The following GALNT1 variants were observed in gnomAD, a reference collection of about 807,000 sequenced individuals.
The protein encoded by GALNT1 is GalNAc transferase 1.
A neutral mutation model predicts 65.7 loss-of-function variants in GALNT1; 17 were observed. The observed-to-expected ratio is 0.26, with a 90% CI of 0.18 to 0.39. The LOEUF (loss-of-function observed/expected upper bound fraction) is 0.39. GALNT1 is among the 10% of genes least tolerant of loss of function. The probability of loss-of-function intolerance (pLI) is 1.00; values close to 1 mark genes in which losing one functional copy is unlikely to be tolerated. For missense variants in GALNT1, 460 were observed against 672.8 expected, an observed-to-expected ratio of 0.68 and a Z score of 3.50; for synonymous variants, 210 against 219.7, an observed-to-expected ratio of 0.96 and a Z score of 0.39.
chr18:35,705,553 C>T (rs1336065635), intron 11 of GALNT1, among the ~76,000 whole-genome samples: 1 of 152,160 alleles, frequency 6.6e-6, no homozygotes, highest in Admixed American at 6.5e-5. Flanking sequence ...ATGGTATGTG[C>T]CACTGCCATT....
chr18:35,626,913 A>G lies in GALNT1; in HGVS notation c.-103-27647A>G, dbSNP rs2046925534. Among the ~76,000 whole-genome samples, 4 of 151,884 alleles carry G rather than the reference A, an allele frequency of 2.6e-5. No homozygotes were observed. In the South Asian group the frequency reaches 8.3e-4, roughly 32 times the overall value. On this transcript the variant is annotated intron_variant, in intron 1 of 11. Coordinates refer to ENST00000269195, the MANE Select transcript of GALNT1 (RefSeq NM_020474.4). ...ACTGTTTCTGAATGCTTCCCAGCAG[A>G]CCTCCCTTTCAGTACCATTAGTCAG...
In GALNT1 at chr18:35,689,293, A is replaced by G; in HGVS notation, c.978+3A>G. 6.5e-7 allele frequency: 1 copy of G among 1,527,416 alleles called. No homozygotes were observed. 94.6% of individuals were successfully genotyped at this position (1,527,416 alleles called of 1,614,324 possible). On this transcript the variant is annotated splice_donor_region_variant and intron_variant, in intron 7 of 11. Coordinates refer to ENST00000269195, the MANE Select transcript of GALNT1 (RefSeq NM_020474.4). ...AAAACCTAGAAATTTCCTTTAGGGTAAGTTCCCTTAAAAAAATTTAATCTT... is the reference window on the plus strand; with the variant it reads ...AAAACCTAGAAATTTCCTTTAGGGTGAGTTCCCTTAAAAAAATTTAATCTT...
At chr18:35,641,524 CACAAA>C (rs1487298066) in intron 1 of GALNT1, among the ~76,000 whole-genome samples, 3 of 152,082 alleles carry the variant, frequency 2.0e-5, no homozygotes, top group African/African-American at 7.2e-5. Flanking sequence ...ACAAGAAAAA[CACAAA>C]ACAACACATC....
chr18:35,616,109 T>C (rs1296756063), intron 1 of GALNT1, among the ~76,000 whole-genome samples: 2 of 152,170 alleles, frequency 1.3e-5, no homozygotes, highest in African/African-American at 4.8e-5. Context: ...TCAATATGGA[T>C]GAGTCTTAAA....
intron 11 of GALNT1, among the ~76,000 whole-genome samples, chr18:35,705,020 C>G (rs892599731): frequency 6.6e-6 from 1 of 152,162 alleles, no homozygotes; most frequent in Admixed American, 6.5e-5. Flanking sequence ...TTAGTTTGCT[C>G]TCTGTTCCTT....
At chr18:35,591,361 A>C (rs776090059) in intron 1 of GALNT1, among the ~76,000 whole-genome samples, 15 of 152,194 alleles carry the variant, frequency 9.9e-5, no homozygotes, top group Non-Finnish European at 2.1e-4. Flanking sequence ...TGATAATTGG[A>C]GATGGGGAAG....
In GALNT1 at chr18:35,703,590, A is replaced by T. The variant is rs764151758; in HGVS notation, c.1480A>T (p.Met494Leu). 1 of 1,614,036 alleles carries T rather than the reference A, an allele frequency of 6.2e-7. No homozygotes were observed. Residue 494 changes from methionine (M) to leucine (L), a missense_variant, in exon 11 of 12, where the codon ATG (methionine) becomes TTG (leucine). Met to Leu is a conservative substitution (Grantham distance 15). Transcript: ENST00000269195. ...DVSKLNGPVTMLKCHHLKGNQ... is the reference protein window; with the variant it reads ...DVSKLNGPVTLLKCHHLKGNQ... ...TTCCAAACTTAATGGCCCAGTTACA[A>T]TGCTCAAATGCCACCACCTAAAAGG...
intron 1 of GALNT1, among the ~76,000 whole-genome samples, chr18:35,652,383 C>T (rs1239272919): frequency 6.6e-6 from 1 of 152,188 alleles, no homozygotes; most frequent in Non-Finnish European, 1.5e-5. Context: ...GGTCTGTTTT[C>T]TGCAGTATGT....
chr18:35,628,559 C>T (rs572493538), intron 1 of GALNT1, among the ~76,000 whole-genome samples: 1 of 152,240 alleles, frequency 6.6e-6, no homozygotes, highest in Admixed American at 6.5e-5. Flanking sequence ...CACCAGAACC[C>T]CATCTGTACA....
intron 11 of GALNT1, among the ~76,000 whole-genome samples, chr18:35,704,704 G>C (rs1380422305): frequency 6.6e-6 from 1 of 151,812 alleles, no homozygotes; most frequent in Non-Finnish European, 1.5e-5. Flanking sequence ...GAGTGCAGTG[G>C]TGCAATCTCG....
chr18:35,665,110 A>G (rs975715367), intron 3 of GALNT1, among the ~76,000 whole-genome samples: 3 of 152,222 alleles, frequency 2.0e-5, no homozygotes, highest in Non-Finnish European at 2.9e-5. Context: ...ATTCTTAATA[A>G]CAAATAGGTA....
intron 1 of GALNT1, among the ~76,000 whole-genome samples, chr18:35,599,225 T>C (rs954444118): frequency 2.6e-5 from 4 of 152,118 alleles, no homozygotes; most frequent in Admixed American, 1.3e-4. Context: ...TAGCTTGATG[T>C]GCTCCCATTT....
intron 1 of GALNT1, among the ~76,000 whole-genome samples, chr18:35,644,571 T>G (rs1017559078): frequency 6.6e-6 from 1 of 152,238 alleles, no homozygotes; most frequent in Admixed American, 6.5e-5. Flanking sequence ...TCCAAGTTTA[T>G]TTTTTAATTA....
intron 1 of GALNT1, among the ~76,000 whole-genome samples, chr18:35,607,377 T>C (rs1363184784): frequency 6.6e-6 from 1 of 152,094 alleles, no homozygotes; most frequent in Non-Finnish European, 1.5e-5. Context: ...GCCAGAGCCA[T>C]TGTGTTTCTG....
chr18:35,705,772 T>C (rs1463553299), intron 11 of GALNT1, among the ~76,000 whole-genome samples: 2 of 152,254 alleles, frequency 1.3e-5, no homozygotes, highest in African/African-American at 4.8e-5. Flanking sequence ...GATTTATTTT[T>C]CTTACATAAG....
intron 1 of GALNT1, among the ~76,000 whole-genome samples, chr18:35,623,121 A>T (rs1598786466): frequency 6.6e-6 from 1 of 152,132 alleles, no homozygotes; most frequent in East Asian, 1.9e-4. Flanking sequence ...AGGCTTTTAT[A>T]TTTATTCATA....
At chr18:35,585,724 G>A (rs2046371148) in intron 1 of GALNT1, among the ~76,000 whole-genome samples, 1 of 152,212 alleles carries the variant, frequency 6.6e-6, no homozygotes, top group African/African-American at 2.4e-5. Context: ...AATGGGATAA[G>A]TGTCTTTTGG....
At position 35,588,133 on chromosome 18, in the gene GALNT1, G is replaced by T. The variant is rs560059081; in HGVS notation, c.-104+6271G>T. On this transcript the variant is annotated intron_variant, in intron 1 of 11. Transcript: ENST00000269195. ...CATCCTGTTGGTTGATGATGCTGTTGAATTCTGTGTCTTTGCTTGTTTTTG... is the reference window on the plus strand; with the variant it reads ...CATCCTGTTGGTTGATGATGCTGTTTAATTCTGTGTCTTTGCTTGTTTTTG... Among the ~76,000 whole-genome samples the T allele has an allele frequency of 9.4e-4, 143 of 152,232 alleles. 1 individual carries two copies. The highest frequency in any genetic ancestry group is 3.0e-3 in the African/African-American group (124 of 41,536).
chr18:35,654,793 C>T lies in GALNT1; in HGVS notation c.131C>T (p.Ala44Val). Residue 44 changes from alanine (A) to valine (V), a missense_variant, in exon 2 of 12, where the codon GCT becomes GTT. Physicochemically the swap from Ala to Val is moderately conservative, Grantham distance 64. Coordinates refer to ENST00000269195, the MANE Select transcript of GALNT1 (RefSeq NM_020474.4). Reference sequence around the variant, plus strand: ...GAAAAAAAGGAGAGAGGACTTCCTGCTGGAGATGGTGAGTGACATTTTATA... The same window carrying T: ...GAAAAAAAGGAGAGAGGACTTCCTGTTGGAGATGGTGAGTGACATTTTATA... The part of the protein sequence containing the change: ...CDEKKERGLP[A>V]GDVLEPVQKP... 6.5e-7 allele frequency: 1 copy of T among 1,549,176 alleles called. No homozygotes were observed.
Sources: allele counts gnomAD v4.1 joint callset (sites outside exome capture counted in the v4.1 genomes callset), GRCh38; gene constraint gnomAD v4.1.1; transcripts MANE v1.5; gene names NCBI Gene and HGNC (gene_info 2026-07-23, HGNC 2026-07-21).